ADAMTS20: variants seen among roughly 807,000 people sequenced by gnomAD.
ADAMTS20 encodes the protein A disintegrin and metalloproteinase with thrombospondin motifs 20.
ADAMTS20 carries 225 observed loss-of-function variants against 260.1 expected under a neutral mutation model. The ratio of observed to expected loss-of-function variants is 0.87; its 90% CI spans 0.78 to 0.97. The LOEUF (loss-of-function observed/expected upper bound fraction) is 0.97. Among genes scored for constraint, ADAMTS20 ranks in the 50% least tolerant of loss-of-function variants. The pLI is 0.00. For synonymous variants in ADAMTS20, 802 were observed against 769.5 expected, an observed-to-expected ratio of 1.04 and a Z score of -0.70; for missense variants, 2,400 against 2,337.7, an observed-to-expected ratio of 1.03 and a Z score of -0.55.
intron 4 of ADAMTS20, among the ~76,000 whole-genome samples, chr12:43,493,721 C>T (rs1942638861): frequency 6.6e-6 from 1 of 152,216 alleles, no homozygotes; most frequent in South Asian, 2.1e-4. Context: ...CTACAATATT[C>T]CATAAAAATA....
At chr12:43,550,605 A>C (rs1314602587) in intron 2 of ADAMTS20, among the ~76,000 whole-genome samples, 1 of 152,164 alleles carries the variant, frequency 6.6e-6, no homozygotes. Flanking sequence ...TCCATTCGGA[A>C]AACACACTCC....
rs531195871 is a variant in ADAMTS20, at chr12:43,457,773, A to G, written c.1615-3721T>C. 5.8e-4 allele frequency among the ~76,000 whole-genome samples: 89 copies of G among 152,316 alleles called. 1 individual carries two copies. Among genetic ancestry groups the G allele is most frequent in the African/African-American group, 2.1e-3 (87 of 41,568 alleles). Reference sequence around the variant, plus strand: ...TTGAGCACTAGCATCCCTTACTTCTATCACTGAAATAGCTAAGTAGATGTC... The same window carrying G: ...TTGAGCACTAGCATCCCTTACTTCTGTCACTGAAATAGCTAAGTAGATGTC... On this transcript the variant is annotated intron_variant, in intron 11 of 38. Transcript: ENST00000389420.
intron 29 of ADAMTS20, among the ~76,000 whole-genome samples, chr12:43,395,856 G>A (rs1022629638): frequency 2.0e-5 from 3 of 151,916 alleles, no homozygotes; most frequent in African/African-American, 7.3e-5. Flanking sequence ...CCATGATTAA[G>A]GGGAGGTGAG....
intron 37 of ADAMTS20, among the ~76,000 whole-genome samples, chr12:43,359,103 T>C (rs1214579651): frequency 1.3e-5 from 2 of 152,166 alleles, no homozygotes; most frequent in Non-Finnish European, 2.9e-5. Flanking sequence ...GGAGAGTAGA[T>C]ACGTAGTATG....
intron 31 of ADAMTS20, among the ~76,000 whole-genome samples, chr12:43,378,064 A>C (rs1415875926): frequency 1.3e-5 from 2 of 152,232 alleles, no homozygotes; most frequent in South Asian, 4.1e-4. Flanking sequence ...AAAAATGGGC[A>C]AATAGATTTC....
At chr12:43,358,797 A>T (rs1040837124) in intron 37 of ADAMTS20, among the ~76,000 whole-genome samples, 4 of 144,264 alleles carry the variant, frequency 2.8e-5, no homozygotes, top group Admixed American at 7.2e-5. Flanking sequence ...AGATCGCGCC[A>T]CTGCACTCCA....
intron 31 of ADAMTS20, among the ~76,000 whole-genome samples, chr12:43,382,619 T>C (rs539463009): frequency 6.6e-6 from 1 of 152,234 alleles, no homozygotes; most frequent in East Asian, 1.9e-4. Context: ...AACATGTGCA[T>C]AGATGTTAGA....
intron 29 of ADAMTS20, among the ~76,000 whole-genome samples, chr12:43,389,961 T>C (rs1231612730): frequency 1.3e-5 from 2 of 152,208 alleles, no homozygotes; most frequent in African/African-American, 2.4e-5. Flanking sequence ...TCAGTGGAGA[T>C]AGTCCCACTT....
chr12:43,422,535 T>A (rs1354419710), intron 28 of ADAMTS20, among the ~76,000 whole-genome samples: 1 of 152,024 alleles, frequency 6.6e-6, no homozygotes, highest in East Asian at 1.9e-4. Context: ...ATGCTTCATA[T>A]AATAAAAGAA....
At chr12:43,400,234 G>T (rs1293718857) in intron 28 of ADAMTS20, among the ~76,000 whole-genome samples, 1 of 151,932 alleles carries the variant, frequency 6.6e-6, no homozygotes, top group Non-Finnish European at 1.5e-5. Flanking sequence ...AAGTCATGGA[G>T]TTCAGACAAC....
intron 4 of ADAMTS20, among the ~76,000 whole-genome samples, chr12:43,501,460 T>TGCGCGC (rs1174785206): frequency 6.5e-5 from 6 of 92,156 alleles, no homozygotes; most frequent in South Asian, 6.8e-4. Flanking sequence ...TGGAGGGGGA[T>TGCGCGC]ACGCGCGCGC....
At position 43,425,521 on chromosome 12, in the gene ADAMTS20, C is replaced by A; in HGVS notation, c.4277G>T (p.Trp1426Leu). ...PADVSWHQEPWTSCSASCGKG... is the reference protein window; with the variant it reads ...PADVSWHQEPLTSCSASCGKG... Reference sequence around the variant, plus strand: ...ACAAGAGTGCTATCATACCGATGTCCATGGTTCCTGATGCCATGACACATC... The same window carrying A: ...ACAAGAGTGCTATCATACCGATGTCAATGGTTCCTGATGCCATGACACATC... Residue 1426 changes from tryptophan (W) to leucine (L), a missense_variant, in exon 28 of 39, where the codon TGG becomes TTG. Coordinates refer to ENST00000389420, the MANE Select transcript of ADAMTS20 (RefSeq NM_025003.5). The A allele has an allele frequency of 6.6e-7, 1 of 1,517,052 alleles. No homozygotes were observed. Among genetic ancestry groups the A allele is most frequent in the South Asian group, 1.3e-5 (1 of 76,356 alleles). The allele number at this position is 1,517,052 out of a possible 1,614,324, so 94.0% of individuals were successfully genotyped here.
At chr12:43,446,553 T>C in intron 15 of ADAMTS20, 42 bp downstream of exon 15, 3 of 1,454,440 alleles carry the variant, frequency 2.1e-6, no homozygotes, top group East Asian at 2.3e-5. Context: ...TCCATTATTA[T>C]ACTAAATAAA....
chr12:43,371,101 T>G (rs1940098200), intron 36 of ADAMTS20, among the ~76,000 whole-genome samples: 1 of 152,220 alleles, frequency 6.6e-6, no homozygotes. Context: ...CCCTGCGAAC[T>G]TTTCTAATAA....
intron 18 of ADAMTS20, among the ~76,000 whole-genome samples, chr12:43,436,149 T>C (rs1332430231): frequency 2.0e-5 from 3 of 152,112 alleles, no homozygotes; most frequent in African/African-American, 2.4e-5. Flanking sequence ...TGGAAATAAC[T>C]ATTTAACAGA....
chr12:43,359,779 T>C (rs528664144), intron 37 of ADAMTS20, among the ~76,000 whole-genome samples: 4 of 152,358 alleles, frequency 2.6e-5, no homozygotes, highest in South Asian at 2.1e-4. Context: ...TGTCTATATG[T>C]TTTTGACTCA....
At chr12:43,382,597 C>T (rs926640364) in intron 31 of ADAMTS20, among the ~76,000 whole-genome samples, 16 of 151,608 alleles carry the variant, frequency 1.1e-4, no homozygotes, top group South Asian at 2.1e-4. Flanking sequence ...TACTAAAATT[C>T]GCTAAATTAT....
chr12:43,523,138 G>C (rs1592109207), intron 3 of ADAMTS20, among the ~76,000 whole-genome samples: 2 of 152,158 alleles, frequency 1.3e-5, no homozygotes, highest in African/African-American at 4.8e-5. Flanking sequence ...AATGTGCAAG[G>C]GGGAGAGACT....
At chr12:43,443,998 C>A (rs1941715890) in intron 15 of ADAMTS20, 115 bp from the exon 16 acceptor site, 6 of 757,096 alleles carry the variant, frequency 7.9e-6, no homozygotes, top group Admixed American at 6.3e-5. Context: ...TTTGTTGTGT[C>A]TTTACAAAAT....
Sources: gnomAD v4.1 joint callset for allele counts (sites outside exome capture counted in the v4.1 genomes callset) on GRCh38, gnomAD v4.1.1 for gene constraint, MANE v1.5 for transcripts, NCBI Gene and HGNC (gene_info 2026-07-23, HGNC 2026-07-21) for gene names.